N4BP2L2: variants seen among roughly 807,000 people sequenced by gnomAD.
N4BP2L2 encodes the protein NEDD4 binding protein 2 like 2, also known as NEDD4-binding protein 2-like 2.
N4BP2L2 carries 50 observed loss-of-function variants against 56.2 expected under a neutral mutation model. The ratio of observed to expected loss-of-function variants is 0.89; its 90% CI spans 0.71 to 1.13. The LOEUF is 1.13. Among genes scored for constraint, N4BP2L2 ranks in the 50% most tolerant of loss-of-function variants. The pLI is 0.00. For missense variants in N4BP2L2, 689 were observed against 693.8 expected (o/e 0.99, Z 0.08); for synonymous variants, 203 against 223.6 (o/e 0.91, Z 0.82).
chr13:32,522,272 T>C lies in N4BP2L2; in HGVS notation c.1385-2A>G. The C allele has an allele frequency of 6.7e-7, 1 of 1,483,502 alleles. No homozygotes were observed. The highest frequency in any genetic ancestry group is 9.1e-7 in the Non-Finnish European group (1 of 1,102,194). The allele number at this position is 1,483,502 out of a possible 1,614,324, so 91.9% of individuals were successfully genotyped here. On this transcript the variant is annotated splice_acceptor_variant, in intron 3 of 5. Transcript: ENST00000267068. LOFTEE classifies it high-confidence loss of function. ...TTCCCTGATCGATAGCTTGTTTTGC[T>C]GAAATAAAATATAAATTTAAAAATA...
At chr13:32,502,569 A>G (rs1357909513) in intron 6 of N4BP2L2, among the ~76,000 whole-genome samples, 1 of 152,218 alleles carries the variant, frequency 6.6e-6, no homozygotes, top group Non-Finnish European at 1.5e-5. Flanking sequence ...TAATAACTCT[A>G]CATTGTAGAT....
chr13:32,524,389 T>C (rs2052023244), intron 3 of N4BP2L2: 1 of 152,244 alleles, frequency 6.6e-6, no homozygotes, highest in African/African-American at 2.4e-5. Context: ...GGAGATTATC[T>C]TCTTTCCATT....
chr13:32,440,294 G>A (rs2076112502), intron 7 of N4BP2L2, among the ~76,000 whole-genome samples: 1 of 152,044 alleles, frequency 6.6e-6, no homozygotes, highest in Non-Finnish European at 1.5e-5. Context: ...ACGCTGAGAG[G>A]TATAGAACAA....
At chr13:32,536,181 G>C in exon 2 of N4BP2L2, 5 of 1,614,130 alleles carry the variant, frequency 3.1e-6, no homozygotes, top group Non-Finnish European at 4.2e-6. Flanking sequence ...TTCAAACTGG[G>C]AAGAGGGGGA....
exon 7 of N4BP2L2, chr13:32,442,735 T>C: frequency 6.2e-7 from 1 of 1,613,456 alleles, no homozygotes; most frequent in Non-Finnish European, 8.5e-7. Context: ...AGATAAATTA[T>C]GTAGCACAAA....
chr13:32,464,166 A>G (rs980281397), intron 6 of N4BP2L2, among the ~76,000 whole-genome samples: 6 of 152,250 alleles, frequency 3.9e-5, no homozygotes, highest in African/African-American at 1.2e-4. Flanking sequence ...CACAATGCAT[A>G]AAGATGTAAT....
chr13:32,517,394 ATT>A, exon 6 of N4BP2L2: 1 of 994,550 alleles, frequency 1.0e-6, no homozygotes, highest in Non-Finnish European at 1.2e-6. Context: ...CCAAGTCAGT[ATT>A]TCTTGCATAT....
intron 9 of N4BP2L2, among the ~76,000 whole-genome samples, chr13:32,435,840 A>AT (rs779821886): frequency 1.7e-4 from 26 of 152,368 alleles, no homozygotes; most frequent in Middle Eastern, 3.4e-3. Flanking sequence ...TTCTTATCAA[A>AT]TGCAGACATA....
At chr13:32,443,105 C>T in exon 7 of N4BP2L2, 1 of 1,610,134 alleles carries the variant, frequency 6.2e-7, no homozygotes. Flanking sequence ...GATTCTAAGG[C>T]ATTCTTTGGT....
intron 3 of N4BP2L2, among the ~76,000 whole-genome samples, chr13:32,526,384 T>C (rs1480622007): frequency 6.6e-6 from 1 of 152,162 alleles, no homozygotes; most frequent in East Asian, 1.9e-4. Flanking sequence ...GGAACTGGCA[T>C]TTTTTTAAAT....
At chr13:32,521,490 ACTT>A (rs775331139) in intron 4 of N4BP2L2, 41 bp from the exon 5 acceptor site, 8 of 1,389,502 alleles carry the variant, frequency 5.8e-6, no homozygotes, top group Non-Finnish European at 8.0e-6. Flanking sequence ...CCAGAGAAGT[ACTT>A]CTTAAAGTAA....
intron 6 of N4BP2L2, among the ~76,000 whole-genome samples, chr13:32,481,580 G>C (rs769902392): frequency 6.6e-5 from 10 of 152,136 alleles, no homozygotes; most frequent in Non-Finnish European, 1.2e-4. Context: ...AATTTTAATG[G>C]AAGAGGGACT....
In N4BP2L2 at chr13:32,501,770, G is replaced by A. The variant is rs545787291; in HGVS notation, c.365+16087C>T. The stretch of plus-strand genomic sequence containing the variant: ...GCGGAGCTTGCATTGAGCCGAGATC[G>A]CGCCACTGCACTCCAGCTTGGGAGA... On this transcript the variant is annotated intron_variant, in intron 6 of 9. Transcript: ENST00000357505. Among the ~76,000 whole-genome samples the A allele has an allele frequency of 1.9e-4, 29 of 151,866 alleles. No individual in the cohort carries two copies. The East Asian group carries it at 2.9e-3, about 15-fold the overall frequency.
chr13:32,491,531 TA>T (rs1428068602), intron 6 of N4BP2L2, among the ~76,000 whole-genome samples: 1 of 147,814 alleles, frequency 6.8e-6, no homozygotes, highest in Non-Finnish European at 1.5e-5. Context: ...AAAAACTATA[TA>T]AACTATATAT....
At position 32,443,006 on chromosome 13, in the gene N4BP2L2, C is replaced by G. The variant is rs539147928; in HGVS notation, c.1486G>C (p.Glu496Gln). The G allele has an allele frequency of 3.7e-6, 6 of 1,613,704 alleles. No individual in the cohort carries two copies. In the African/African-American group the frequency reaches 4.0e-5, roughly 11 times the overall value. ...GTTAACAGGTCACATTTCTCCCTTT[C>G]TTTTACACCGATACGACTCTGTCCT... The change falls in exon 7 of 10, where the codon GAA becomes CAA. Residue 496 changes from glutamate (E) to glutamine (Q), a missense_variant. Physicochemically the swap from Glu to Gln is conservative, Grantham distance 29. Transcript: ENST00000357505.
At chr13:32,454,424 A>T (rs1054226685) in intron 6 of N4BP2L2, among the ~76,000 whole-genome samples, 3 of 152,070 alleles carry the variant, frequency 2.0e-5, no homozygotes, top group African/African-American at 7.2e-5. Flanking sequence ...CTTGGGGGGG[A>T]GGGGGTGAAA....
In N4BP2L2 at chr13:32,502,644, CA is replaced by C. The variant is rs757794475; in HGVS notation, c.365+15212del. Among the ~76,000 whole-genome samples, 35 of 152,252 alleles carry C rather than the reference CA, an allele frequency of 2.3e-4. No individual in the cohort carries two copies. In the East Asian group the frequency reaches 5.8e-3, roughly 25 times the overall value. ...GAAAATTAAGTGACTTGATCAAGTG[CA>C]GTCAAAACTGCAACTTAACTTCGAA... On this transcript the variant is annotated intron_variant, in intron 6 of 9. Coordinates refer to the N4BP2L2 transcript ENST00000357505.
chr13:32,491,511 T>A (rs984287691), intron 6 of N4BP2L2, among the ~76,000 whole-genome samples: 1 of 148,058 alleles, frequency 6.8e-6, no homozygotes, highest in Non-Finnish European at 1.5e-5. Context: ...TTTATAATAA[T>A]AAAAACTGAA....
In N4BP2L2 at chr13:32,434,255, T is replaced by C. The variant is rs1198938124; in HGVS notation, c.*22-1283A>G. On this transcript the variant is annotated intron_variant, in intron 9 of 9. Coordinates refer to the N4BP2L2 transcript ENST00000357505. ...CCACATTCAGCTAATTTTCTTTTTT[T>C]CTTTTTTTTTTTTTTGTATTTTAGT... 1.1e-3 allele frequency among the ~76,000 whole-genome samples: 148 copies of C among 139,446 alleles called. 5 individuals are homozygous for C. The East Asian group carries it at 0.026, about 25-fold the overall frequency. 91.5% of individuals were successfully genotyped at this position (139,446 alleles called of 152,430 possible).
Sources: allele counts gnomAD v4.1 joint callset (sites outside exome capture counted in the v4.1 genomes callset), GRCh38; gene constraint gnomAD v4.1.1; transcripts MANE v1.5; gene names NCBI Gene and HGNC (gene_info 2026-07-23, HGNC 2026-07-21).